The following ARHGAP18 variants were observed in gnomAD, a reference collection of about 807,000 sequenced individuals.
ARHGAP18 encodes the protein Rho GTPase activating protein 18, also known as rho GTPase-activating protein 18.
Under a neutral mutation model 86.2 loss-of-function variants are expected in ARHGAP18, and 67 were observed. The observed-to-expected ratio is 0.78, with a 90% CI of 0.64 to 0.95. The LOEUF (loss-of-function observed/expected upper bound fraction) is 0.95. ARHGAP18 is among the 40% of genes least tolerant of loss of function. The probability of loss-of-function intolerance (pLI) is 0.00; values close to 1 mark genes in which losing one functional copy is unlikely to be tolerated. For synonymous variants in ARHGAP18, 283 were observed against 280.4 expected (o/e 1.01, Z -0.09); for missense variants, 691 against 780.4 (o/e 0.89, Z 1.37).
chr6:129,689,437 C>A (rs748304985), intron 1 of ARHGAP18, among the ~76,000 whole-genome samples: 1 of 152,054 alleles, frequency 6.6e-6, no homozygotes, highest in Non-Finnish European at 1.5e-5. Context: ...GGATTATGGG[C>A]ATGCACCTTC....
At chr6:129,623,605 T>A (rs1789277719) in intron 5 of ARHGAP18, among the ~76,000 whole-genome samples, 1 of 152,126 alleles carries the variant, frequency 6.6e-6, no homozygotes, top group Non-Finnish European at 1.5e-5. Context: ...TAGAGGAGCA[T>A]GGAACAGAAA....
intron 13 of ARHGAP18, among the ~76,000 whole-genome samples, chr6:129,580,735 C>T (rs1436291321): frequency 1.3e-5 from 2 of 152,040 alleles, no homozygotes; most frequent in Non-Finnish European, 2.9e-5. Context: ...TTTAGCCGTG[C>T]ATGGTGGTGA....
chr6:129,705,318 T>C (rs969997949), intron 1 of ARHGAP18, among the ~76,000 whole-genome samples: 1 of 152,136 alleles, frequency 6.6e-6, no homozygotes, highest in Non-Finnish European at 1.5e-5. Context: ...TGCTGGGCAG[T>C]AGTAGTTCTT....
At chr6:129,662,981 T>C (rs996615561) in intron 1 of ARHGAP18, among the ~76,000 whole-genome samples, 1 of 152,238 alleles carries the variant, frequency 6.6e-6, no homozygotes, top group Non-Finnish European at 1.5e-5. Flanking sequence ...TAATAATTTG[T>C]CAGGGGCAAT....
intron 2 of ARHGAP18, among the ~76,000 whole-genome samples, chr6:129,640,110 C>T (rs1338938257): frequency 6.7e-6 from 1 of 148,174 alleles, no homozygotes; most frequent in Non-Finnish European, 1.5e-5. Context: ...AAGTAGAACT[C>T]AGTATTGGTG....
At chr6:129,585,993 G>C (rs1169396075) in intron 12 of ARHGAP18, among the ~76,000 whole-genome samples, 10 of 152,256 alleles carry the variant, frequency 6.6e-5, no homozygotes, top group South Asian at 2.1e-4. Flanking sequence ...CTTTGTCCTT[G>C]ATTCTGTGAC....
At position 129,710,177 on chromosome 6, in the gene ARHGAP18, G is replaced by T. The variant is rs369292520; in HGVS notation, c.-41C>A. ...ATACTTTCTGCGATCCTGACACAGA[G>T]AAGGGGAAAGAAGTTCCTGTCTCGC... On this transcript the variant is annotated 5_prime_UTR_variant, in exon 1 of 15. Coordinates refer to ENST00000368149, the MANE Select transcript of ARHGAP18 (RefSeq NM_033515.3). 13 of 1,478,310 alleles carry T rather than the reference G, an allele frequency of 8.8e-6. No individual in the cohort carries two copies. The highest frequency in any genetic ancestry group is 1.2e-5 in the Non-Finnish European group (13 of 1,062,026). The allele number at this position is 1,478,310 out of a possible 1,614,324, so 91.6% of individuals were successfully genotyped here. A position where few individuals can be genotyped will look rare whatever the true frequency, so the allele number is the denominator to read the frequency against.
intron 5 of ARHGAP18, among the ~76,000 whole-genome samples, chr6:129,624,929 G>A (rs1789309892): frequency 7.1e-6 from 1 of 141,022 alleles, no homozygotes; most frequent in East Asian, 2.0e-4. Flanking sequence ...TGGGTGACAA[G>A]AGTGAAACTC....
intron 1 of ARHGAP18, among the ~76,000 whole-genome samples, chr6:129,697,637 T>C (rs1050755815): frequency 1.3e-5 from 2 of 152,210 alleles, no homozygotes; most frequent in Admixed American, 6.5e-5. Flanking sequence ...AATGCACTTA[T>C]ACAATTGCCT....
chr6:129,665,574 A>T (rs910419558), intron 1 of ARHGAP18, among the ~76,000 whole-genome samples: 8 of 152,258 alleles, frequency 5.3e-5, no homozygotes, highest in South Asian at 2.1e-4. Flanking sequence ...AATAAATAAA[A>T]AATAATCAAG....
chr6:129,658,135 C>A (rs1011688530), intron 1 of ARHGAP18, among the ~76,000 whole-genome samples: 3 of 152,176 alleles, frequency 2.0e-5, no homozygotes, highest in Non-Finnish European at 4.4e-5. Context: ...ATACATCCTA[C>A]AAGAAACATC....
intron 12 of ARHGAP18, among the ~76,000 whole-genome samples, chr6:129,591,150 A>T (rs1332911334): frequency 6.6e-6 from 1 of 152,220 alleles, no homozygotes; most frequent in Non-Finnish European, 1.5e-5. Context: ...TCGAATACTG[A>T]AGTTATTACT....
At chr6:129,613,054 A>G (rs1187042061) in intron 7 of ARHGAP18, among the ~76,000 whole-genome samples, 1 of 152,002 alleles carries the variant, frequency 6.6e-6, no homozygotes, top group African/African-American at 2.4e-5. Context: ...TAACATGGTG[A>G]AACCCCGTCT....
Position 129,696,685 on chromosome 6 carries a change from A to C in ARHGAP18, c.113+13339T>G, listed in dbSNP as rs113035409. 8.5e-3 allele frequency among the ~76,000 whole-genome samples: 1,296 copies of C among 152,092 alleles called. 22 individuals carry two copies. The highest frequency in any genetic ancestry group is 0.03 in the African/African-American group (1,249 of 41,508). On this transcript the variant is annotated intron_variant, in intron 1 of 14. Transcript: ENST00000368149. ...TATGTTCGTGATGAACGAAAAGATTATCCAATATAAAGTTACCAACAAAGC... is the reference window on the plus strand; with the variant it reads ...TATGTTCGTGATGAACGAAAAGATTCTCCAATATAAAGTTACCAACAAAGC...
At position 129,595,607 on chromosome 6, in the gene ARHGAP18, T is replaced by C. The variant is rs928849296; in HGVS notation, c.1713+3609A>G. ...ACCTACCCTCCAATCTTACACTCCC[T>C]CAAATCTTTCCTTCACCTTTCAGCA... On this transcript the variant is annotated intron_variant, in intron 12 of 14. Coordinates refer to ENST00000368149, the MANE Select transcript of ARHGAP18 (RefSeq NM_033515.3). Among the ~76,000 whole-genome samples the C allele has an allele frequency of 2.0e-5, 3 of 152,112 alleles. No individual in the cohort carries two copies. In the East Asian group the frequency reaches 5.8e-4, roughly 29 times the overall value.
At chr6:129,634,974 C>T (rs4329133) in intron 3 of ARHGAP18, among the ~76,000 whole-genome samples, 25,134 of 151,766 alleles carry the variant, frequency 0.17, 2,383 homozygotes, top group African/African-American at 0.25. Context: ...GAAGGAATTC[C>T]TGTTTTCAAG....
At position 129,641,884 on chromosome 6, in the gene ARHGAP18, T is replaced by C; in HGVS notation, c.248A>G (p.Glu83Gly). 1 of 1,614,044 alleles carries C rather than the reference T, an allele frequency of 6.2e-7. No homozygotes were observed. Among genetic ancestry groups the C allele is most frequent in the South Asian group, 1.1e-5 (1 of 91,084 alleles). ...LSMEDYWIEL[E>G]NIKKSSENSQ... ...GTTTTCACTAGATTTCTTGATGTTT[T>C]CTAGTTCTATCCAATAGTCTTCCAT... The change falls in exon 2 of 15, where the codon GAA becomes GGA. Residue 83 changes from glutamate to glycine, a missense_variant. Transcript: ENST00000368149.
At chr6:129,636,513 G>A (rs977595936) in intron 3 of ARHGAP18, among the ~76,000 whole-genome samples, 5 of 152,152 alleles carry the variant, frequency 3.3e-5, no homozygotes, top group Admixed American at 2.6e-4. Flanking sequence ...CCAGGATAGA[G>A]ACTGGTTAAA....
intron 1 of ARHGAP18, among the ~76,000 whole-genome samples, chr6:129,700,417 G>A (rs1415268471): frequency 6.6e-6 from 1 of 152,160 alleles, no homozygotes; most frequent in East Asian, 1.9e-4. Context: ...CCTAACAAGA[G>A]TTCAATACCT....
Sources: gnomAD v4.1 joint callset for allele counts (sites outside exome capture counted in the v4.1 genomes callset) on GRCh38, gnomAD v4.1.1 for gene constraint, MANE v1.5 for transcripts, NCBI Gene and HGNC (gene_info 2026-07-23, HGNC 2026-07-21) for gene names.